The following ANO2 variants were observed in gnomAD, a reference collection of about 807,000 sequenced individuals.
ANO2 encodes anoctamin-2.
ANO2 carries 101 observed loss-of-function variants against 124.2 expected under a neutral mutation model. The observed-to-expected ratio is 0.81, with a 90% confidence interval of 0.69 to 0.96. The LOEUF is 0.96. Ranked by LOEUF, ANO2 falls within the 40% of genes least tolerant of loss-of-function variation. The pLI, the probability that ANO2 is intolerant of heterozygous loss-of-function variation, is 0.00. For missense variants in ANO2, 1,293 were observed against 1,274.5 expected (o/e 1.01, Z -0.22); for synonymous variants, 486 against 482.5 (o/e 1.01, Z -0.09).
At chr12:5,868,378 A>G (rs191966316) in intron 3 of ANO2, among the ~76,000 whole-genome samples, 1 of 152,144 alleles carries the variant, frequency 6.6e-6, no homozygotes, top group Non-Finnish European at 1.5e-5. Flanking sequence ...TGTGACGTTG[A>G]TATGTAACAT....
chr12:5,695,790 G>A (rs529154688), intron 14 of ANO2, among the ~76,000 whole-genome samples: 10 of 151,484 alleles, frequency 6.6e-5, no homozygotes, highest in Admixed American at 3.9e-4. Flanking sequence ...TTGTTGAGCC[G>A]AGATCTCACC....
intron 3 of ANO2, among the ~76,000 whole-genome samples, chr12:5,901,567 C>T (rs893608957): frequency 6.6e-6 from 1 of 152,180 alleles, no homozygotes; most frequent in Non-Finnish European, 1.5e-5. Flanking sequence ...GAGCTGGGGG[C>T]ATGGATGAGG....
chr12:5,604,095 G>A (rs1205250007), intron 19 of ANO2, among the ~76,000 whole-genome samples: 1 of 152,134 alleles, frequency 6.6e-6, no homozygotes, highest in Non-Finnish European at 1.5e-5. Flanking sequence ...CAACGGACAT[G>A]AAGGGAAGTA....
At position 5,730,740 on chromosome 12, in the gene ANO2, A is replaced by G. The variant is rs1230264741; in HGVS notation, c.1545+1780T>C. Among the ~76,000 whole-genome samples the G allele has an allele frequency of 3.9e-5, 6 of 152,198 alleles. No individual in the cohort carries two copies. In the East Asian group the frequency reaches 7.7e-4, roughly 19 times the overall value. On this transcript the variant is annotated intron_variant, in intron 14 of 24. Coordinates refer to ENST00000682330, the MANE Select transcript of ANO2 (RefSeq NM_001364791.2). ...TTTGGCAAGAACAGAAGCATTAACA[A>G]TGTTAAAGAAACTGAGGAAACACAA...
At chr12:5,886,672 G>A (rs1390407433) in intron 3 of ANO2, among the ~76,000 whole-genome samples, 7 of 152,164 alleles carry the variant, frequency 4.6e-5, no homozygotes, top group African/African-American at 1.4e-4. Flanking sequence ...TATGGTGATG[G>A]TATCAAGGGT....
At chr12:5,668,416 T>C (rs1437796343) in intron 14 of ANO2, among the ~76,000 whole-genome samples, 1 of 152,188 alleles carries the variant, frequency 6.6e-6, no homozygotes, top group African/African-American at 2.4e-5. Context: ...CTTATAAACT[T>C]GTTTAAGCTC....
At position 5,578,363 on chromosome 12, in the gene ANO2, T is replaced by C. The variant is rs1485488894; in HGVS notation, c.2386+3A>G. On this transcript the variant is annotated splice_donor_region_variant and intron_variant, in intron 21 of 24. Coordinates refer to ENST00000682330, the MANE Select transcript of ANO2 (RefSeq NM_001364791.2). ...TGGTGGGGCCTCTAAGTGGGGCACGTACCGATATCTTTGGTTCTTACAGCA... is the reference window on the plus strand; with the variant it reads ...TGGTGGGGCCTCTAAGTGGGGCACGCACCGATATCTTTGGTTCTTACAGCA... 1.2e-6 allele frequency: 2 copies of C among 1,613,318 alleles called. No homozygotes were observed. Among genetic ancestry groups the C allele is most frequent in the South Asian group, 1.1e-5 (1 of 90,978 alleles).
chr12:5,836,455 C>T (rs559725040), intron 4 of ANO2, among the ~76,000 whole-genome samples: 21 of 152,334 alleles, frequency 1.4e-4, no homozygotes, highest in African/African-American at 4.8e-4. Context: ...TTCTATCTGA[C>T]ATTTCTACTC....
chr12:5,861,748 C>A (rs1197303649), intron 3 of ANO2, among the ~76,000 whole-genome samples: 1 of 152,146 alleles, frequency 6.6e-6, no homozygotes, highest in African/African-American at 2.4e-5. Flanking sequence ...GAGACAGACT[C>A]CCTTGGACTC....
intron 3 of ANO2, among the ~76,000 whole-genome samples, chr12:5,860,823 G>C (rs573350418): frequency 6.6e-6 from 1 of 152,130 alleles, no homozygotes; most frequent in Non-Finnish European, 1.5e-5. Context: ...AGCCTCACTC[G>C]TGCTCACAAA....
In ANO2 at chr12:5,563,474, A is replaced by G. The variant is rs952142420; in HGVS notation, c.2822T>C (p.Leu941Ser). ...SDQIKKEKSL[L>S]VDFFLKEEHE... ...CTCCTCTTTCAGGAAGAAATCCACTAATAAGCTCTTCTCTTTCTTGATCTG... is the reference window on the plus strand; with the variant it reads ...CTCCTCTTTCAGGAAGAAATCCACTGATAAGCTCTTCTCTTTCTTGATCTG... The change falls in exon 25 of 25, where the codon TTA becomes TCA. Residue 941 changes from leucine (L) to serine (S), a missense_variant. By Grantham distance (145) the Leu-to-Ser change is moderately radical (BLOSUM62 -2). Transcript: ENST00000682330. 3.6e-5 allele frequency: 58 copies of G among 1,613,942 alleles called. No individual in the cohort carries two copies. The highest frequency in any genetic ancestry group is 4.7e-5 in the Non-Finnish European group (56 of 1,179,886).
At chr12:5,701,132 C>T (rs1280647728) in intron 14 of ANO2, among the ~76,000 whole-genome samples, 9 of 116,730 alleles carry the variant, frequency 7.7e-5, no homozygotes, top group African/African-American at 2.7e-4. Context: ...CTCACTCTGT[C>T]GCCCGGGCAG....
intron 3 of ANO2, among the ~76,000 whole-genome samples, chr12:5,911,703 C>G (rs971029681): frequency 6.6e-6 from 1 of 152,164 alleles, no homozygotes; most frequent in Non-Finnish European, 1.5e-5. Flanking sequence ...CGCAAGGAAG[C>G]CAGACTCCCT....
At chr12:5,650,677 A>C (rs967491407) in intron 14 of ANO2, among the ~76,000 whole-genome samples, 1 of 152,218 alleles carries the variant, frequency 6.6e-6, no homozygotes, top group Non-Finnish European at 1.5e-5. Context: ...ATTTAAATAT[A>C]CTCTGCTTAA....
At chr12:5,937,529 C>T (rs1942701225) in intron 1 of ANO2, among the ~76,000 whole-genome samples, 1 of 151,948 alleles carries the variant, frequency 6.6e-6, no homozygotes, top group South Asian at 2.1e-4. Context: ...ATTTTGTTTC[C>T]TTTGTCTCTT....
At chr12:5,719,491 G>T (rs539142584) in intron 14 of ANO2, among the ~76,000 whole-genome samples, 1 of 152,028 alleles carries the variant, frequency 6.6e-6, no homozygotes, top group Admixed American at 6.5e-5. Context: ...AAGTCCTGAG[G>T]AGCTCTGCCC....
At chr12:5,707,528 G>A (rs1293773202) in intron 14 of ANO2, among the ~76,000 whole-genome samples, 1 of 152,066 alleles carries the variant, frequency 6.6e-6, no homozygotes, top group East Asian at 1.9e-4. Context: ...AAGTTCAGAG[G>A]ACTCAAGGTG....
At chr12:5,577,366 T>C (rs1942472278) in intron 22 of ANO2, among the ~76,000 whole-genome samples, 1 of 152,226 alleles carries the variant, frequency 6.6e-6, no homozygotes, top group Non-Finnish European at 1.5e-5. Flanking sequence ...TCCTGGCCAC[T>C]GTCCTTAGAG....
intron 14 of ANO2, among the ~76,000 whole-genome samples, chr12:5,716,416 A>T (rs1206177522): frequency 6.6e-6 from 1 of 152,080 alleles, no homozygotes; most frequent in African/African-American, 2.4e-5. Context: ...TTCATGACTC[A>T]CTACAGGCTG....
Sources: gnomAD v4.1 joint callset for allele counts (sites outside exome capture counted in the v4.1 genomes callset) on GRCh38, gnomAD v4.1.1 for gene constraint, MANE v1.5 for transcripts, NCBI Gene and HGNC (gene_info 2026-07-23, HGNC 2026-07-21) for gene names.